The following NRXN3 variants were observed in gnomAD, a reference collection of about 807,000 sequenced individuals.
NRXN3 encodes neurexin 3, also known as neurexin III.
A neutral mutation model predicts 137.6 loss-of-function variants in NRXN3; 32 were observed. The observed-to-expected ratio is 0.23, with a 90% CI of 0.18 to 0.31. NRXN3 has a LOEUF of 0.31. Among genes scored for constraint, NRXN3 ranks in the 10% least tolerant of loss-of-function variants. The probability of loss-of-function intolerance (pLI) is 1.00; values close to 1 mark genes in which losing one functional copy is unlikely to be tolerated. For synonymous variants in NRXN3, 798 were observed against 784.5 expected (o/e 1.02, Z -0.29); for missense variants, 1,574 against 2,062.5 (o/e 0.76, Z 4.59).
At chr14:78,775,392 C>T (rs759724738) in intron 8 of NRXN3, among the ~76,000 whole-genome samples, 2 of 152,176 alleles carry the variant, frequency 1.3e-5, no homozygotes, top group African/African-American at 2.4e-5. Flanking sequence ...GCCCATAGGG[C>T]ACATGTGGCC....
At chr14:79,373,239 C>A (rs1464402625) in intron 15 of NRXN3, among the ~76,000 whole-genome samples, 1 of 151,992 alleles carries the variant, frequency 6.6e-6, no homozygotes, top group Non-Finnish European at 1.5e-5. Flanking sequence ...TCAAGAAATA[C>A]CAGTGAAGTG....
intron 16 of NRXN3, among the ~76,000 whole-genome samples, chr14:79,635,972 G>A (rs1193856948): frequency 6.6e-6 from 1 of 152,078 alleles, no homozygotes; most frequent in African/African-American, 2.4e-5. Flanking sequence ...CCAAGACCCA[G>A]TGACTCCTTA....
chr14:78,620,008 G>A (rs1261692767), intron 4 of NRXN3, among the ~76,000 whole-genome samples: 1 of 152,112 alleles, frequency 6.6e-6, no homozygotes, highest in Admixed American at 6.5e-5. Context: ...CCAGAACTGT[G>A]CAAAATAAAT....
chr14:78,855,741 G>T (rs543358594), intron 10 of NRXN3, among the ~76,000 whole-genome samples: 2 of 152,134 alleles, frequency 1.3e-5, no homozygotes, highest in South Asian at 2.1e-4. Flanking sequence ...TTGGGGTATT[G>T]CTCCAGTGGA....
intron 1 of NRXN3, among the ~76,000 whole-genome samples, chr14:78,171,075 C>G (rs895343534): frequency 4.0e-5 from 6 of 151,516 alleles, no homozygotes; most frequent in African/African-American, 1.5e-4. Flanking sequence ...GTCACTTCCC[C>G]CCTCATTTAT....
intron 4 of NRXN3, among the ~76,000 whole-genome samples, chr14:78,576,756 C>G (rs935790740): frequency 1.3e-5 from 2 of 152,154 alleles, no homozygotes; most frequent in African/African-American, 4.8e-5. Flanking sequence ...GAAGGTACTG[C>G]AGGGTTATGT....
chr14:78,897,630 A>G (rs2152728503), intron 10 of NRXN3, among the ~76,000 whole-genome samples: 1 of 151,908 alleles, frequency 6.6e-6, no homozygotes, highest in Non-Finnish European at 1.5e-5. Context: ...TGGCAGTCCT[A>G]TTTCTATTTT....
intron 1 of NRXN3, among the ~76,000 whole-genome samples, chr14:78,238,048 A>G (rs12880388): frequency 0.9 from 136,957 of 151,982 alleles, 61,966 homozygotes; most frequent in African/African-American, 0.97. Flanking sequence ...GGGAGGAATG[A>G]AATTGGAAGG....
At chr14:79,786,311 C>T (rs750883579) in intron 19 of NRXN3, among the ~76,000 whole-genome samples, 1 of 152,044 alleles carries the variant, frequency 6.6e-6, no homozygotes, top group Admixed American at 6.5e-5. Flanking sequence ...GAAATTGGGG[C>T]CAACGCTTAA....
chr14:79,801,648 C>T (rs1183796006), intron 19 of NRXN3, among the ~76,000 whole-genome samples: 2 of 152,196 alleles, frequency 1.3e-5, no homozygotes, highest in African/African-American at 2.4e-5. Flanking sequence ...TTACGACACA[C>T]TGCTGGATCA....
rs116492166 is a variant in NRXN3 at position 78,665,793 on chromosome 14, C to T, written c.1221+14467C>T. On this transcript the variant is annotated intron_variant, in intron 6 of 20. Coordinates refer to ENST00000335750, the MANE Select transcript of NRXN3 (RefSeq NM_001330195.2). ...CCAGGAGGCGATGGTGGCCATGGCT[C>T]AGTGAGAGAGGTGGTGAGAGGAAAG... Among the ~76,000 whole-genome samples the T allele has an allele frequency of 6.2e-3, 946 of 152,168 alleles. 5 individuals carry two copies. Among genetic ancestry groups the T allele is most frequent in the African/African-American group, 0.022 (914 of 41,498 alleles).
intron 4 of NRXN3, among the ~76,000 whole-genome samples, chr14:78,361,660 G>A (rs975771990): frequency 1.6e-4 from 24 of 152,016 alleles, no homozygotes; most frequent in Admixed American, 3.3e-4. Flanking sequence ...TTATTGACTC[G>A]GGACATTTAT....
chr14:78,662,091 A>G (rs2097846641), intron 6 of NRXN3, among the ~76,000 whole-genome samples: 1 of 151,260 alleles, frequency 6.6e-6, no homozygotes, highest in Non-Finnish European at 1.5e-5. Context: ...GGCCAGGCTC[A>G]TCTCAAACTC....
intron 15 of NRXN3, among the ~76,000 whole-genome samples, chr14:79,263,441 A>AATGTGT: frequency 6.6e-6 from 1 of 152,140 alleles, no homozygotes; most frequent in South Asian, 2.1e-4. Context: ...TACTTTGGTA[A>AATGTGT]ATGTGTGTGT....
At chr14:79,744,367 T>C (rs1335770140) in intron 19 of NRXN3, among the ~76,000 whole-genome samples, 1 of 152,180 alleles carries the variant, frequency 6.6e-6, no homozygotes, top group Non-Finnish European at 1.5e-5. Flanking sequence ...GTCACAACGC[T>C]TTAATGTGTC....
At chr14:78,672,125 A>G (rs2097942435) in intron 6 of NRXN3, among the ~76,000 whole-genome samples, 1 of 152,224 alleles carries the variant, frequency 6.6e-6, no homozygotes. Flanking sequence ...ATGCTATATC[A>G]TATAGCAGAG....
rs567035578 is a variant in NRXN3 at position 79,177,310 on chromosome 14, A to G, written c.3262+189169A>G. On this transcript the variant is annotated intron_variant, in intron 15 of 20. Transcript: ENST00000335750. ...GAGCATAAAGTGTGAATCACACTTC[A>G]AACAGACCCACCCGCTCACTCCCGA... 9.8e-5 allele frequency among the ~76,000 whole-genome samples: 15 copies of G among 152,318 alleles called. No individual in the cohort carries two copies. The East Asian group carries it at 2.9e-3, about 29-fold the overall frequency.
intron 15 of NRXN3, among the ~76,000 whole-genome samples, chr14:79,273,249 C>T (rs951884942): frequency 7.0e-6 from 1 of 142,298 alleles, no homozygotes; most frequent in African/African-American, 2.6e-5. Flanking sequence ...TTTGTATAAA[C>T]AGGAAAAGAA....
chr14:78,772,893 T>A (rs941093720), intron 8 of NRXN3, among the ~76,000 whole-genome samples: 22 of 152,344 alleles, frequency 1.4e-4, no homozygotes, highest in African/African-American at 5.1e-4. Context: ...CTTCTACCCC[T>A]AAACATTCTA....
Sources: allele counts gnomAD v4.1 joint callset (sites outside exome capture counted in the v4.1 genomes callset), GRCh38; gene constraint gnomAD v4.1.1; transcripts MANE v1.5; gene names NCBI Gene and HGNC (gene_info 2026-07-23, HGNC 2026-07-21).